The following UBXN4 variants were observed in gnomAD, a reference collection of about 807,000 sequenced individuals.
UBXN4 encodes the protein UBX domain protein 4, also known as UBX domain-containing protein 4.
Under a neutral mutation model 66.2 loss-of-function variants are expected in UBXN4, and 35 were observed. That is an observed-to-expected ratio of 0.53 (90% CI 0.40 to 0.70). UBXN4 has a LOEUF of 0.70. UBXN4 is among the 30% of genes least tolerant of loss of function. UBXN4 has a pLI of 0.00. For synonymous variants in UBXN4, 203 were observed against 204.5 expected (o/e 0.99, Z 0.06); for missense variants, 533 against 599.8 (o/e 0.89, Z 1.16).
chr2:135,742,076 A>G (rs1039494758), intron 1 of UBXN4, 65 bp downstream of exon 1: 3 of 1,557,546 alleles, frequency 1.9e-6, no homozygotes, highest in Non-Finnish European at 2.6e-6. Context: ...ATCCTCTTGT[A>G]TACCTCAGCC....
intron 6 of UBXN4, among the ~76,000 whole-genome samples, chr2:135,762,415 C>T (rs898642904): frequency 2.0e-5 from 3 of 152,072 alleles, no homozygotes; most frequent in Non-Finnish European, 4.4e-5. Flanking sequence ...GCTGTGATTC[C>T]TACATGAGTT....
intron 5 of UBXN4, among the ~76,000 whole-genome samples, chr2:135,757,216 G>A (rs554202991): frequency 2.0e-5 from 3 of 152,036 alleles, no homozygotes; most frequent in South Asian, 2.1e-4. Flanking sequence ...TCTTTGGATT[G>A]GATAATTCTG....
intron 1 of UBXN4, among the ~76,000 whole-genome samples, chr2:135,743,409 G>A (rs2077189624): frequency 6.6e-6 from 1 of 152,154 alleles, no homozygotes; most frequent in South Asian, 2.1e-4. Flanking sequence ...TACATTAGTA[G>A]GTTTTTGACA....
At chr2:135,764,207 G>A (rs1268424493) in intron 6 of UBXN4, among the ~76,000 whole-genome samples, 5 of 152,196 alleles carry the variant, frequency 3.3e-5, no homozygotes, top group Non-Finnish European at 7.4e-5. Flanking sequence ...TCAGGCTACA[G>A]TTGAAACTGA....
rs759920213 is a variant in UBXN4 at position 135,782,887 on chromosome 2, G to A, written c.1527G>A (p.Ter509=). 1 of 1,611,668 alleles carries A rather than the reference G, an allele frequency of 6.2e-7. No individual in the cohort carries two copies. Among genetic ancestry groups the A allele is most frequent in the South Asian group, 1.1e-5 (1 of 90,786 alleles). Residue 509 remains the stop codon, a stop_retained_variant, in exon 13 of 13, where the codon TAG becomes TAA. Transcript: ENST00000272638. ...ATGGAAATTCCACTCAACAGATGTA[G>A]TGTGACAAGTATAATATGTGCAATA... ...TWNGNSTQQM[*]
At chr2:135,776,431 G>C in intron 10 of UBXN4, 80 bp downstream of exon 10, 1 of 1,253,376 alleles carries the variant, frequency 8.0e-7, no homozygotes, top group Non-Finnish European at 1.1e-6. Flanking sequence ...CAAAGCAGAA[G>C]TTGAATGTGA....
At chr2:135,748,454 A>T in intron 2 of UBXN4, 85 bp downstream of exon 2, 1 of 1,046,426 alleles carries the variant, frequency 9.6e-7, no homozygotes. Context: ...GACTAGAAGA[A>T]TGTTGATGTT....
At chr2:135,746,433 C>T (rs1487442704) in intron 1 of UBXN4, among the ~76,000 whole-genome samples, 4 of 152,094 alleles carry the variant, frequency 2.6e-5, no homozygotes, top group African/African-American at 9.6e-5. Context: ...TACTAGTAAA[C>T]ATAATTAAAA....
chr2:135,755,293 A>G (rs750663605), intron 4 of UBXN4, among the ~76,000 whole-genome samples: 6 of 152,380 alleles, frequency 3.9e-5, no homozygotes, highest in East Asian at 3.8e-4. Context: ...GGGAAAATCA[A>G]TAGTGTGCTT....
chr2:135,753,695 T>A (rs943019888), intron 3 of UBXN4, 128 bp downstream of exon 3: 2 of 806,632 alleles, frequency 2.5e-6, no homozygotes, highest in Non-Finnish European at 3.7e-6. Context: ...GGAAACTTTA[T>A]TACTAAGTGT....
chr2:135,784,118 A>AG lies in UBXN4; in HGVS notation c.*1232dup, dbSNP rs2077469916. 2.0e-5 allele frequency: 3 copies of AG among 152,216 alleles called. No homozygotes were observed. Among genetic ancestry groups the AG allele is most frequent in the Admixed American group, 2.0e-4 (3 of 15,288 alleles). The allele number at this position is 152,216 out of a possible 1,614,324, so 9.4% of individuals were successfully genotyped here. A position where few individuals can be genotyped will look rare whatever the true frequency, so the allele number is the denominator to read the frequency against. The stretch of plus-strand genomic sequence containing the variant: ...TGCGCTGTTGGTAGGAGTGAAAACC[A>AG]GTATAATTCTTCTGAAAAACATTTA... On this transcript the variant is annotated 3_prime_UTR_variant, in exon 13 of 13. Coordinates refer to ENST00000272638, the MANE Select transcript of UBXN4 (RefSeq NM_014607.4).
At chr2:135,752,119 C>T (rs1417897300) in intron 2 of UBXN4, among the ~76,000 whole-genome samples, 3 of 152,066 alleles carry the variant, frequency 2.0e-5, no homozygotes, top group African/African-American at 7.2e-5. Flanking sequence ...ATGATCTCGG[C>T]TCACTGCAAC....
chr2:135,748,426 T>C, intron 2 of UBXN4, 57 bp downstream of exon 2: 2 of 1,260,578 alleles, frequency 1.6e-6, no homozygotes, highest in South Asian at 3.5e-5. Flanking sequence ...TTGTCTTTGA[T>C]TTATAGTGAT....
chr2:135,775,505 A>C (rs1267576220), intron 9 of UBXN4, among the ~76,000 whole-genome samples: 5 of 152,206 alleles, frequency 3.3e-5, no homozygotes, highest in Non-Finnish European at 5.9e-5. Flanking sequence ...TGAACCTTGA[A>C]AATACAATTT....
intron 1 of UBXN4, chr2:135,747,868 G>A (rs113214769): frequency 0.014 from 4,723 of 346,690 alleles, 224 homozygotes; most frequent in African/African-American, 0.094. Flanking sequence ...TGATCTACCC[G>A]CCTCAGCCTC....
chr2:135,765,627 T>C (rs1375885344), intron 6 of UBXN4, among the ~76,000 whole-genome samples: 2 of 152,032 alleles, frequency 1.3e-5, no homozygotes, highest in African/African-American at 4.8e-5. Context: ...AATAGTGTAA[T>C]GGCCATCTTT....
At chr2:135,752,716 G>A (rs2077251550) in intron 2 of UBXN4, among the ~76,000 whole-genome samples, 1 of 152,112 alleles carries the variant, frequency 6.6e-6, no homozygotes, top group Non-Finnish European at 1.5e-5. Flanking sequence ...TGGGTTGTAA[G>A]AGCAAATAGT....
At chr2:135,748,084 C>T (rs534539226) in intron 1 of UBXN4, 183 bp from the exon 2 acceptor site, 27 of 464,450 alleles carry the variant, frequency 5.8e-5, no homozygotes, top group African/African-American at 5.4e-4. Context: ...TTTCATTGCT[C>T]TTCATGATGT....
intron 6 of UBXN4, among the ~76,000 whole-genome samples, chr2:135,767,976 C>G (rs931678524): frequency 6.6e-6 from 1 of 151,994 alleles, no homozygotes; most frequent in African/African-American, 2.4e-5. Context: ...CATATTGGGT[C>G]TTCTGGCTTT....
Sources: allele counts gnomAD v4.1 joint callset (sites outside exome capture counted in the v4.1 genomes callset), GRCh38; gene constraint gnomAD v4.1.1; transcripts MANE v1.5; gene names NCBI Gene and HGNC (gene_info 2026-07-23, HGNC 2026-07-21).